RNF141: variants seen among roughly 807,000 people sequenced by gnomAD.
The protein encoded by RNF141 is C3HC4-like zinc finger protein.
A neutral mutation model predicts 27.4 loss-of-function variants in RNF141; 18 were observed. That is an observed-to-expected ratio of 0.66 (90% CI 0.45 to 0.97). The LOEUF (loss-of-function observed/expected upper bound fraction) is 0.97. Ranked by LOEUF, RNF141 falls within the 50% of genes least tolerant of loss-of-function variation. The pLI is 0.00. For synonymous variants in RNF141, 97 were observed against 96.6 expected, an observed-to-expected ratio of 1.00 and a Z score of -0.02; for missense variants, 230 against 279.4, an observed-to-expected ratio of 0.82 and a Z score of 1.26.
chr11:10,528,670 T>C (rs1313130016), intron 3 of RNF141, among the ~76,000 whole-genome samples: 1 of 152,196 alleles, frequency 6.6e-6, no homozygotes, highest in African/African-American at 2.4e-5. Flanking sequence ...AAGTGTAATT[T>C]AGATAATATA....
At chr11:10,519,992 A>G (rs978834674) in intron 4 of RNF141, among the ~76,000 whole-genome samples, 1 of 152,186 alleles carries the variant, frequency 6.6e-6, no homozygotes, top group Non-Finnish European at 1.5e-5. Flanking sequence ...AAATTGCAAA[A>G]AAATCTCATG....
At chr11:10,524,570 T>C (rs1268663752) in intron 4 of RNF141, among the ~76,000 whole-genome samples, 1 of 152,210 alleles carries the variant, frequency 6.6e-6, no homozygotes, top group East Asian at 1.9e-4. Context: ...TAAATTATGA[T>C]CATGATTGTC....
At chr11:10,539,395 A>C (rs1850065678) in intron 1 of RNF141, among the ~76,000 whole-genome samples, 1 of 151,934 alleles carries the variant, frequency 6.6e-6, no homozygotes, top group African/African-American at 2.4e-5. Context: ...TCTCCATCAA[A>C]TTTTGTATCA....
intron 3 of RNF141, among the ~76,000 whole-genome samples, chr11:10,530,240 A>G (rs1849973685): frequency 6.6e-6 from 1 of 152,214 alleles, no homozygotes; most frequent in Non-Finnish European, 1.5e-5. Flanking sequence ...AAACTCTTTC[A>G]ATGGATCTTT....
chr11:10,513,272 G>C lies in RNF141; in HGVS notation c.*1644C>G, dbSNP rs1259503413. The C allele has an allele frequency of 1.3e-5, 2 of 152,118 alleles. No individual in the cohort carries two copies. Among genetic ancestry groups the C allele is most frequent in the South Asian group, 4.1e-4 (2 of 4,828 alleles). 9.4% of individuals were successfully genotyped at this position (152,118 alleles called of 1,614,324 possible). ...TACCCCTGGCCAGATGTTTTTCCTT[G>C]AAATTGATTTGAATTTTATTTGCTC... On this transcript the variant is annotated 3_prime_UTR_variant, in exon 6 of 6. Transcript: ENST00000265981.
rs986883000 is a variant in RNF141 at position 10,511,705 on chromosome 11, C to G, written c.*3211G>C. The stretch of plus-strand genomic sequence containing the variant: ...GACTACCTTTTAATAAACTCAACTT[C>G]CCAATGTTAAAAATCACTGAATCAA... On this transcript the variant is annotated 3_prime_UTR_variant, in exon 6 of 6. Transcript: ENST00000265981. The G allele has an allele frequency of 2.0e-5, 3 of 152,158 alleles. No homozygotes were observed. Among genetic ancestry groups the G allele is most frequent in the African/African-American group, 7.2e-5 (3 of 41,414 alleles). The allele number at this position is 152,158 out of a possible 1,614,324, so 9.4% of individuals were successfully genotyped here.
At chr11:10,540,986 G>A (rs988426549) in intron 1 of RNF141, 136 bp downstream of exon 1, 3 of 152,212 alleles carry the variant, frequency 2.0e-5, no homozygotes, top group African/African-American at 7.2e-5. Flanking sequence ...GCCCGGGGAG[G>A]GCGGCGGGGC....
intron 1 of RNF141, among the ~76,000 whole-genome samples, chr11:10,538,721 G>C (rs947808194): frequency 7.9e-5 from 12 of 152,046 alleles, no homozygotes; most frequent in African/African-American, 1.5e-4. Flanking sequence ...TTGTTAATTT[G>C]GTCAGTCATC....
chr11:10,539,186 T>C (rs992832786), intron 1 of RNF141, among the ~76,000 whole-genome samples: 10 of 152,290 alleles, frequency 6.6e-5, no homozygotes, highest in African/African-American at 2.2e-4. Context: ...GTTCAAATAT[T>C]CCTTATAAAA....
chr11:10,515,817 CTT>C (rs978859012), intron 5 of RNF141: 3 of 152,084 alleles, frequency 2.0e-5, no homozygotes, highest in African/African-American at 4.8e-5. Flanking sequence ...AACAGGAAGA[CTT>C]ATATAAAAAT....
chr11:10,534,518 G>A (rs1850017160), intron 1 of RNF141, among the ~76,000 whole-genome samples: 1 of 151,862 alleles, frequency 6.6e-6, no homozygotes, highest in African/African-American at 2.4e-5. Flanking sequence ...TCAAGTAATT[G>A]TATTTAAGAG....
Position 10,525,325 on chromosome 11 carries a change from A to C in RNF141, c.301T>G (p.Tyr101Asp). The change falls in exon 4 of 6, where the codon TAC becomes GAC. Residue 101 changes from tyrosine to aspartate, a missense_variant. Tyr to Asp is a radical substitution (Grantham distance 160). Coordinates refer to ENST00000265981, the MANE Select transcript of RNF141 (RefSeq NM_016422.4). ...IVEASRIMNL[Y>D]QFIQLYKDIT... ...TCTTTATAAAGTTGAATAAACTGGT[A>C]TAAATTCATGATCCGTGATGCCTCC... 1 of 1,610,526 alleles carries C rather than the reference A, an allele frequency of 6.2e-7. No homozygotes were observed. The highest frequency in any genetic ancestry group is 8.5e-7 in the Non-Finnish European group (1 of 1,178,234).
At chr11:10,526,129 T>C (rs75843556) in intron 3 of RNF141, among the ~76,000 whole-genome samples, 14,449 of 152,132 alleles carry the variant, frequency 0.095, 834 homozygotes, top group South Asian at 0.25. Flanking sequence ...GAACTTGAAA[T>C]CAGAGAAAGA....
At chr11:10,533,541 G>GTA (rs72252394) in intron 2 of RNF141, among the ~76,000 whole-genome samples, 57,074 of 150,646 alleles carry the variant, frequency 0.38, 11,044 homozygotes, top group South Asian at 0.5. Flanking sequence ...GTAAAAAAAA[G>GTA]TATATATATA....
intron 4 of RNF141, among the ~76,000 whole-genome samples, chr11:10,519,575 C>T (rs559718155): frequency 6.7e-6 from 1 of 148,582 alleles, no homozygotes; most frequent in East Asian, 1.9e-4. Context: ...CTTATACAAA[C>T]CTAGATGGTT....
intron 3 of RNF141, 96 bp from the exon 4 acceptor site, chr11:10,525,469 G>GA (rs1396815017): frequency 4.4e-6 from 4 of 898,966 alleles, no homozygotes; most frequent in Non-Finnish European, 6.6e-6. Flanking sequence ...AACATCCTAG[G>GA]AAATAGGAGT....
chr11:10,524,073 G>A (rs1179132023), intron 4 of RNF141, among the ~76,000 whole-genome samples: 2 of 152,094 alleles, frequency 1.3e-5, no homozygotes, highest in African/African-American at 4.8e-5. Flanking sequence ...AAAACCAGTT[G>A]GTTAAGAATG....
chr11:10,532,707 T>C (rs1234578549), intron 2 of RNF141, among the ~76,000 whole-genome samples: 1 of 152,190 alleles, frequency 6.6e-6, no homozygotes. Flanking sequence ...TTATCTAATA[T>C]GTTACAGATT....
rs760837692 is a variant in RNF141 at position 10,530,408 on chromosome 11, G to A, written c.252+235C>T. ...GATAGAAGATTAGTATGATGTAATG[G>A]TTAGAGATATTGAGGCAAAAAAGAA... is the stretch of plus-strand genomic sequence containing the variant. On this transcript the variant is annotated intron_variant, in intron 3 of 5. Coordinates refer to ENST00000265981, the MANE Select transcript of RNF141 (RefSeq NM_016422.4). Among the ~76,000 whole-genome samples, 3 of 152,092 alleles carry A rather than the reference G, an allele frequency of 2.0e-5. No homozygotes were observed. The South Asian group carries it at 6.2e-4, about 32-fold the overall frequency.
Sources: allele counts gnomAD v4.1 joint callset (sites outside exome capture counted in the v4.1 genomes callset), GRCh38; gene constraint gnomAD v4.1.1; transcripts MANE v1.5; gene names NCBI Gene and HGNC (gene_info 2026-07-23, HGNC 2026-07-21).